ETNK2: variants seen among roughly 807,000 people sequenced by gnomAD.
ETNK2 encodes ethanolamine kinase-like protein.
A neutral mutation model predicts 46.2 loss-of-function variants in ETNK2; 33 were observed. The ratio of observed to expected loss-of-function variants is 0.71; its 90% CI spans 0.54 to 0.96. The LOEUF is 0.96. Ranked by LOEUF, ETNK2 falls within the 40% of genes least tolerant of loss-of-function variation. The probability of loss-of-function intolerance (pLI) is 0.00; values close to 1 mark genes in which losing one functional copy is unlikely to be tolerated. For synonymous variants in ETNK2, 194 were observed against 209.0 expected (o/e 0.93, Z 0.62); for missense variants, 445 against 509.7 (o/e 0.87, Z 1.22).
At position 204,137,203 on chromosome 1, in the gene ETNK2, C is replaced by T; in HGVS notation, c.915G>A (p.Gln305=). 6.2e-7 allele frequency: 1 copy of T among 1,613,976 alleles called. No homozygotes were observed. Among genetic ancestry groups the T allele is most frequent in the South Asian group, 1.1e-5 (1 of 91,072 alleles). Residue 305 remains glutamine (Q), a synonymous_variant, in exon 6 of 8, where the codon CAG becomes CAA. Coordinates refer to ENST00000367202, the MANE Select transcript of ETNK2 (RefSeq NM_018208.4). ...DYCLYPARET[Q]LQWLHYYLQA... ...GCAGGTAGTAGTGCAGCCACTGCAG[C>T]TGGGTCTCCCGCGCCGGGTACAGGC...
intron 2 of ETNK2, chr1:204,147,312 G>A (rs909349492): frequency 2.3e-6 from 1 of 426,694 alleles, no homozygotes; most frequent in Non-Finnish European, 4.8e-6. Flanking sequence ...GCTATAGGGA[G>A]TTGATGCTGG....
intron 4 of ETNK2, among the ~76,000 whole-genome samples, chr1:204,140,841 T>TA (rs397982694): frequency 3.6e-5 from 5 of 140,232 alleles, no homozygotes; most frequent in African/African-American, 8.1e-5. Context: ...TTTTTTTTTT[T>TA]AAATAGGGTC....
In ETNK2 at chr1:204,151,595, C is replaced by T; in HGVS notation, c.258G>A (p.Lys86=). Residue 86 remains lysine, a splice_region_variant and synonymous_variant, in exon 1 of 8, where the codon AAG becomes AAA. Transcript: ENST00000367202. This position sits in a 1 kb window ranked among gnomAD's most constrained non-coding sequence, Gnocchi z 8.0. The part of the protein sequence containing the change: ...PHWKPEQVRT[K]RFTDGITNKL... The stretch of plus-strand genomic sequence containing the variant: ...CTCGGCCCCGCGCCCACTCCGCTAC[C>T]TTGGTCCGAACTTGCTCGGGTTTCC... 1 of 1,548,882 alleles carries T rather than the reference C, an allele frequency of 6.5e-7. No homozygotes were observed. The highest frequency in any genetic ancestry group is 8.7e-7 in the Non-Finnish European group (1 of 1,146,140).
Position 204,151,365 on chromosome 1 carries a change from G to C in ETNK2, c.258+230C>G. On this transcript the variant is annotated intron_variant, in intron 1 of 7. Transcript: ENST00000367202. The surrounding 1 kb of genome is among the most constrained non-coding windows in gnomAD (Gnocchi z 8.0). ...GACAGTGGGCAGGTGGCCACCAGGC[G>C]TGCCTAAGAGCCCCGGGAGGAGGGG... 1.6e-6 allele frequency: 1 copy of C among 618,250 alleles called. No individual in the cohort carries two copies. 38.3% of individuals were successfully genotyped at this position (618,250 alleles called of 1,614,324 possible). A position where few individuals can be genotyped will look rare whatever the true frequency, so the allele number is the denominator to read the frequency against.
intron 6 of ETNK2, among the ~76,000 whole-genome samples, chr1:204,135,183 C>T (rs1199481442): frequency 6.6e-6 from 1 of 152,164 alleles, no homozygotes; most frequent in East Asian, 1.9e-4. Flanking sequence ...ACAAGAATCC[C>T]CCAAGTCTAG....
chr1:204,146,785 A>G (rs1657802841), intron 2 of ETNK2, 21 bp from the exon 3 acceptor site: 1 of 1,613,878 alleles, frequency 6.2e-7, no homozygotes, highest in Non-Finnish European at 8.5e-7. Context: ...GAACAGGAAG[A>G]GTAGAGCATC....
intron 3 of ETNK2, among the ~76,000 whole-genome samples, chr1:204,144,842 G>T (rs1242659956): frequency 1.3e-5 from 2 of 152,072 alleles, no homozygotes; most frequent in African/African-American, 4.8e-5. Context: ...GCTTATTTCT[G>T]CCATGCCACC....
At chr1:204,149,419 G>C (rs1378858196) in intron 2 of ETNK2, among the ~76,000 whole-genome samples, 1 of 152,206 alleles carries the variant, frequency 6.6e-6, no homozygotes, top group Non-Finnish European at 1.5e-5. Context: ...GCAGAGGTTT[G>C]AGGCATGATG....
intron 4 of ETNK2, among the ~76,000 whole-genome samples, chr1:204,140,817 C>T (rs1657486504): frequency 7.8e-6 from 1 of 128,906 alleles, no homozygotes; most frequent in South Asian, 2.8e-4. Context: ...GCCACCGCGC[C>T]TGGCCAGACT....
intron 3 of ETNK2, among the ~76,000 whole-genome samples, chr1:204,142,424 G>T (rs894617489): frequency 2.0e-5 from 3 of 152,136 alleles, no homozygotes; most frequent in Non-Finnish European, 4.4e-5. Flanking sequence ...GAAGAAATCA[G>T]CCAATCAATC....
chr1:204,137,350 C>T, intron 5 of ETNK2, 101 bp from the exon 6 acceptor site: 1 of 1,420,394 alleles, frequency 7.0e-7, no homozygotes, highest in South Asian at 1.4e-5. Flanking sequence ...ACTCCCATCT[C>T]CTTTGATCTT....
chr1:204,151,684 A>C lies in ETNK2; in HGVS notation c.169T>G (p.Ser57Ala). 1 of 1,546,896 alleles carries C rather than the reference A, an allele frequency of 6.5e-7. No homozygotes were observed. ...GGAAGGATGTCGTCCGGGTCCACGGAAATGCCGAAGTACGCGACGGCGGCG... is the reference window on the plus strand; with the variant it reads ...GGAAGGATGTCGTCCGGGTCCACGGCAATGCCGAAGTACGCGACGGCGGCG... The part of the protein sequence containing the change: ...RAAAVAYFGI[S>A]VDPDDILPGA... The change falls in exon 1 of 8, where the codon TCC becomes GCC. Residue 57 changes from serine to alanine, a missense_variant. Coordinates refer to ENST00000367202, the MANE Select transcript of ETNK2 (RefSeq NM_018208.4). This position sits in a 1 kb window ranked among gnomAD's most constrained non-coding sequence, Gnocchi z 8.0.
intron 2 of ETNK2, 140 bp from the exon 3 acceptor site, chr1:204,146,904 CT>C: frequency 9.9e-7 from 1 of 1,007,058 alleles, no homozygotes; most frequent in Non-Finnish European, 1.5e-6. Context: ...TTGCAAGTCC[CT>C]TAGGAGCACA....
In ETNK2 at chr1:204,151,572, C is replaced by T; in HGVS notation, c.258+23G>A. 1 of 1,548,474 alleles carries T rather than the reference C, an allele frequency of 6.5e-7. No homozygotes were observed. Among genetic ancestry groups the T allele is most frequent in the Non-Finnish European group, 8.7e-7 (1 of 1,146,066 alleles). On this transcript the variant is annotated intron_variant, in intron 1 of 7. Transcript: ENST00000367202. The surrounding 1 kb of genome is among the most constrained non-coding windows in gnomAD (Gnocchi z 8.0). Reference sequence around the variant, plus strand: ...GGCAGCCCTGGCAGGACCCCATCCTCGGCCCCGCGCCCACTCCGCTACCTT... The same window carrying T: ...GGCAGCCCTGGCAGGACCCCATCCTTGGCCCCGCGCCCACTCCGCTACCTT...
chr1:204,137,382 G>A (rs147815280), intron 5 of ETNK2, 133 bp from the exon 6 acceptor site: 26 of 1,133,428 alleles, frequency 2.3e-5, no homozygotes, highest in East Asian at 5.3e-5. Context: ...CCAAGGAGGC[G>A]GCCCGAGAAG....
rs1275763934 is a variant in ETNK2 at position 204,132,229 on chromosome 1, G to A, written c.1116C>T (p.Tyr372=). The change falls in exon 8 of 8, where the codon TAC becomes TAT. Residue 372 remains tyrosine, a synonymous_variant. Transcript: ENST00000367202. ...CTGACGCTTGAGGCTTCACCTTGAA[G>A]TACTGGTTGAATCGGATCACTGCGT... is the stretch of plus-strand genomic sequence containing the variant. The part of the protein sequence containing the change: ...LRYAVIRFNQ[Y]FKVKPQASAL... 4 of 1,572,628 alleles carry A rather than the reference G, an allele frequency of 2.5e-6. No individual in the cohort carries two copies. In the South Asian group the frequency reaches 4.7e-5, roughly 18 times the overall value.
chr1:204,150,091 A>C, intron 1 of ETNK2, 129 bp from the exon 2 acceptor site: 10 of 1,030,182 alleles, frequency 9.7e-6, no homozygotes, highest in Non-Finnish European at 1.4e-5. Flanking sequence ...CCAAGCCCCC[A>C]GTGCTTTAGC....
At chr1:204,140,139 G>A (rs373499437) in intron 4 of ETNK2, 21 bp from the exon 5 acceptor site, 96 of 1,602,510 alleles carry the variant, frequency 6.0e-5, no homozygotes, top group Middle Eastern at 1.7e-4. Context: ...GAGGAGAATC[G>A]ATGAGAGTTG....
At chr1:204,134,816 G>A (rs186937261) in intron 6 of ETNK2, 6 of 982,110 alleles carry the variant, frequency 6.1e-6, no homozygotes, top group East Asian at 4.9e-5. Context: ...TAGTTCTACC[G>A]AGGCCCTAAT....
Sources: gnomAD v4.1 joint callset for allele counts (sites outside exome capture counted in the v4.1 genomes callset) on GRCh38, gnomAD v4.1.1 for gene constraint, Gnocchi (gnomAD v3.1) non-coding constraint, MANE v1.5 for transcripts, NCBI Gene and HGNC (gene_info 2026-07-23, HGNC 2026-07-21) for gene names.